Variants in NDUFS8 observed in about 807,000 individuals in gnomAD.
The protein encoded by NDUFS8 is NADH:ubiquinone oxidoreductase core subunit S8.
NDUFS8 carries 13 observed loss-of-function variants against 25.6 expected under a neutral mutation model. The observed-to-expected ratio is 0.51, with a 90% CI of 0.33 to 0.81. NDUFS8 has a LOEUF of 0.81. Among genes scored for constraint, NDUFS8 ranks in the 30% least tolerant of loss-of-function variants. NDUFS8 has a pLI of 0.02. For missense variants in NDUFS8, 257 were observed against 300.9 expected (o/e 0.85, Z 1.08); for synonymous variants, 119 against 119.4 (o/e 1.00, Z 0.02).
chr11:68,030,820 C>T (rs1258475817), intron 1 of NDUFS8, 87 bp downstream of exon 1: 2 of 398,646 alleles, frequency 5.0e-6, no homozygotes, highest in Non-Finnish European at 1.0e-5. Flanking sequence ...GCGCCGCCAG[C>T]TCTGCGCCTG....
At chr11:68,035,479 C>A in intron 5 of NDUFS8, 1 of 234,876 alleles carries the variant, frequency 4.3e-6, no homozygotes, top group South Asian at 3.7e-5. Flanking sequence ...AGTGCTGACC[C>A]AGAGATAAGA....
At position 68,036,369 on chromosome 11, in the gene NDUFS8, T is replaced by G. The variant is rs748136794; in HGVS notation, c.489T>G (p.Asp163Glu). Residue 163 changes from aspartate (D) to glutamate (E), a missense_variant, in exon 6 of 7, where the codon GAT (aspartate) becomes GAG (glutamate). Asp to Glu is a conservative substitution (Grantham distance 45). Transcript: ENST00000313468. ...CGFCQEACPVDAIVEGPNFEF... is the reference protein window; with the variant it reads ...CGFCQEACPVEAIVEGPNFEF... ...TCTGCCAGGAGGCCTGTCCCGTGGA[T>G]GCCATCGTCGAGGCACGTGAGGCCC... 1 of 1,613,690 alleles carries G rather than the reference T, an allele frequency of 6.2e-7. No individual in the cohort carries two copies. The highest frequency in any genetic ancestry group is 1.1e-5 in the South Asian group (1 of 91,076).
intron 3 of NDUFS8, 98 bp from the exon 4 acceptor site, chr11:68,032,825 T>C: frequency 8.4e-7 from 1 of 1,191,672 alleles, no homozygotes; most frequent in East Asian, 2.4e-5. Context: ...AGCCCAGCAG[T>C]TGCACCTGGA....
At chr11:68,033,372 G>A (rs1347553189) in intron 5 of NDUFS8, 89 bp downstream of exon 5, 1 of 1,455,118 alleles carries the variant, frequency 6.9e-7, no homozygotes, top group East Asian at 2.4e-5. Context: ...CCTAGCCCCT[G>A]CTTGATGTGC....
At chr11:68,032,034 T>C in intron 1 of NDUFS8, 118 bp from the exon 2 acceptor site, 1 of 1,446,228 alleles carries the variant, frequency 6.9e-7, no homozygotes, top group Non-Finnish European at 9.7e-7. Flanking sequence ...AGCAATGGGG[T>C]GCGAGTAGAG....
chr11:68,032,863 G>C, intron 3 of NDUFS8, 60 bp from the exon 4 acceptor site: 2 of 1,544,624 alleles, frequency 1.3e-6, no homozygotes, highest in Non-Finnish European at 1.8e-6. Flanking sequence ...TCTCCCTGAG[G>C]CTCCAGGGAG....
In NDUFS8 at chr11:68,031,623, C is replaced by T. The variant is rs1334060290; in HGVS notation, c.1-529C>T. On this transcript the variant is annotated intron_variant, in intron 1 of 6. Transcript: ENST00000313468. Reference sequence around the variant, plus strand: ...TCAGCCTCCCAAAGTGCTGGGATTACAGGCGTGAGCCACCACACCCAGCCC... The same window carrying T: ...TCAGCCTCCCAAAGTGCTGGGATTATAGGCGTGAGCCACCACACCCAGCCC... 4 of 214,364 alleles carry T rather than the reference C, an allele frequency of 1.9e-5. No individual in the cohort carries two copies. The East Asian group carries it at 3.5e-4, about 19-fold the overall frequency. 13.3% of individuals were successfully genotyped at this position (214,364 alleles called of 1,614,324 possible). A position where few individuals can be genotyped will look rare whatever the true frequency, so the allele number is the denominator to read the frequency against.
rs1565147623 is a variant in NDUFS8 at position 68,036,240 on chromosome 11, G to GC, written c.373-9dup. 1 of 1,612,202 alleles carries GC rather than the reference G, an allele frequency of 6.2e-7. No homozygotes were observed. Among genetic ancestry groups the GC allele is most frequent in the African/African-American group, 1.3e-5 (1 of 75,036 alleles). Reference sequence around the variant, plus strand: ...CAGGGCAGCGTGGCAGTGTCTGGTGGCCCCTCCCGCAGGCCATCACCATCG... The same window carrying GC: ...CAGGGCAGCGTGGCAGTGTCTGGTGGCCCCCTCCCGCAGGCCATCACCATCG... On this transcript the variant is annotated splice_polypyrimidine_tract_variant and intron_variant, in intron 5 of 6. Transcript: ENST00000313468.
chr11:68,030,943 G>T (rs1375090957), intron 1 of NDUFS8: 1 of 442,632 alleles, frequency 2.3e-6, no homozygotes, highest in Non-Finnish European at 4.6e-6. Flanking sequence ...CCTAGTTAGG[G>T]TCGGAGATCA....
rs1854805938 is a variant in NDUFS8 at position 68,033,175 on chromosome 11, G to A, written c.264G>A (p.Lys88=). Residue 88 remains lysine, a synonymous_variant, in exon 5 of 7, where the codon AAG becomes AAA. Coordinates refer to ENST00000313468, the MANE Select transcript of NDUFS8 (RefSeq NM_002496.4). ...CCACCATCAACTACCCGTTCGAGAAGGGCCCGCTGAGCCCTCGCTTCCGTG... is the reference window on the plus strand; with the variant it reads ...CCACCATCAACTACCCGTTCGAGAAAGGCCCGCTGAGCCCTCGCTTCCGTG... The part of the protein sequence containing the change: ...EPATINYPFE[K]GPLSPRFRGE... The A allele has an allele frequency of 6.2e-7, 1 of 1,612,496 alleles. No individual in the cohort carries two copies. Among genetic ancestry groups the A allele is most frequent in the South Asian group, 1.1e-5 (1 of 91,020 alleles).
At position 68,032,934 on chromosome 11, in the gene NDUFS8, A is replaced by G. The variant is rs149590243; in HGVS notation, c.121A>G (p.Met41Val). The G allele has an allele frequency of 6.2e-7, 1 of 1,613,868 alleles. No individual in the cohort carries two copies. The highest frequency in any genetic ancestry group is 8.5e-7 in the Non-Finnish European group (1 of 1,179,976). ...AVAATYKYVN[M>V]QDPEMDMKSV... ...CCGCCTCTCTGCAGAGTATGTGAAC[A>G]TGCAGGATCCCGAGATGGACATGAA... Residue 41 changes from methionine (M) to valine (V), a missense_variant, in exon 4 of 7, where the codon ATG becomes GTG. Met to Val is a conservative substitution (Grantham distance 21). Coordinates refer to ENST00000313468, the MANE Select transcript of NDUFS8 (RefSeq NM_002496.4).
rs952229821 is a variant in NDUFS8 at position 68,032,635 on chromosome 11, G to GC, written c.110-282dup. 2.3e-5 allele frequency: 24 copies of GC among 1,035,614 alleles called. No individual in the cohort carries two copies. In the African/African-American group the frequency reaches 2.9e-4, roughly 12 times the overall value. The allele number at this position is 1,035,614 out of a possible 1,614,324, so 64.2% of individuals were successfully genotyped here. On this transcript the variant is annotated intron_variant, in intron 3 of 6. Coordinates refer to ENST00000313468, the MANE Select transcript of NDUFS8 (RefSeq NM_002496.4). ...GTCCCTGGTGAAGGCAAAGGCTCAA[G>GC]CCCCCCACCTACCCCCCTTGATTCC...
rs1184588939 is a variant in NDUFS8 at position 68,030,717 on chromosome 11, AGCG to A, written c.-10_-8del. On this transcript the variant is annotated 5_prime_UTR_variant, in exon 1 of 7. Transcript: ENST00000313468. ...GACTGGCCTGCTTGGCAAGGCAAGT[AGCG>A]GCGGCGCTTCAAGGTGGGTGTTCAC... The A allele has an allele frequency of 9.0e-6, 3 of 331,726 alleles. No individual in the cohort carries two copies. The highest frequency in any genetic ancestry group is 2.3e-5 in the African/African-American group (1 of 44,344). The allele number at this position is 331,726 out of a possible 1,614,324, so 20.5% of individuals were successfully genotyped here.
chr11:68,035,692 G>A (rs866428748), intron 5 of NDUFS8: 14 of 455,232 alleles, frequency 3.1e-5, no homozygotes, highest in Middle Eastern at 7.7e-4. Flanking sequence ...CTCGTGAGAG[G>A]GGGTTCTTGG....
At position 68,033,101 on chromosome 11, in the gene NDUFS8, C is replaced by A. The variant is rs1854804645; in HGVS notation, c.200-10C>A. On this transcript the variant is annotated splice_polypyrimidine_tract_variant and intron_variant, in intron 4 of 6. Transcript: ENST00000313468. Reference sequence around the variant, plus strand: ...GGTGCCCCTGCCCACCACACCCGTGCTGCCCACAGGCCTGGGCATGACCCT... The same window carrying A: ...GGTGCCCCTGCCCACCACACCCGTGATGCCCACAGGCCTGGGCATGACCCT... 6.2e-7 allele frequency: 1 copy of A among 1,613,032 alleles called. No individual in the cohort carries two copies. The highest frequency in any genetic ancestry group is 1.3e-5 in the African/African-American group (1 of 75,034).
At chr11:68,033,813 C>T (rs538378336) in intron 5 of NDUFS8, 68 of 176,892 alleles carry the variant, frequency 3.8e-4, no homozygotes, top group Middle Eastern at 2.0e-3. Flanking sequence ...CGGCAGCCGC[C>T]GCCGCTACTT....
intron 5 of NDUFS8, 51 bp downstream of exon 5, chr11:68,033,334 G>T: frequency 6.4e-7 from 1 of 1,572,054 alleles, no homozygotes; most frequent in East Asian, 2.3e-5. Flanking sequence ...CACTGGGAGA[G>T]GGAGGCCAGG....
In NDUFS8 at chr11:68,033,115, G is replaced by A; in HGVS notation, c.204G>A (p.Leu68=). The change falls in exon 5 of 7, where the codon CTG becomes CTA. Residue 68 remains leucine, a synonymous_variant. Transcript: ENST00000313468. The stretch of plus-strand genomic sequence containing the variant: ...CCACACCCGTGCTGCCCACAGGCCT[G>A]GGCATGACCCTGAGCTACCTGTTCC... The part of the protein sequence containing the change: ...TLLWTELFRG[L]GMTLSYLFRE... 1 of 1,613,030 alleles carries A rather than the reference G, an allele frequency of 6.2e-7. No homozygotes were observed. Among genetic ancestry groups the A allele is most frequent in the Non-Finnish European group, 8.5e-7 (1 of 1,179,830 alleles).
Position 68,036,367 on chromosome 11 carries a change from G to C in NDUFS8, c.487G>C (p.Asp163His). 1 of 1,613,776 alleles carries C rather than the reference G, an allele frequency of 6.2e-7. No homozygotes were observed. The highest frequency in any genetic ancestry group is 8.5e-7 in the Non-Finnish European group (1 of 1,180,010). The change falls in exon 6 of 7, where the codon GAT becomes CAT. Residue 163 changes from aspartate (D) to histidine (H), a missense_variant. Physicochemically the swap from Asp to His is moderately conservative, Grantham distance 81 (BLOSUM62 -1). Transcript: ENST00000313468. ...CGFCQEACPVDAIVEGPNFEF... is the reference protein window; with the variant it reads ...CGFCQEACPVHAIVEGPNFEF... Reference sequence around the variant, plus strand: ...CTTCTGCCAGGAGGCCTGTCCCGTGGATGCCATCGTCGAGGCACGTGAGGC... The same window carrying C: ...CTTCTGCCAGGAGGCCTGTCCCGTGCATGCCATCGTCGAGGCACGTGAGGC...
Sources: allele counts gnomAD v4.1 joint callset, GRCh38; gene constraint gnomAD v4.1.1; transcripts MANE v1.5; gene names NCBI Gene and HGNC (gene_info 2026-07-23, HGNC 2026-07-21).